The following TRDN variants were observed in gnomAD, a reference collection of about 807,000 sequenced individuals.
TRDN encodes triadin.
A neutral mutation model predicts 149.7 loss-of-function variants in TRDN; 161 were observed. The observed-to-expected ratio is 1.08, with a 90% CI of 0.95 to 1.23. The LOEUF is 1.23. TRDN is among the 50% of genes most tolerant of loss of function. TRDN has a pLI of 0.00. For missense variants in TRDN, 896 were observed against 823.5 expected, an observed-to-expected ratio of 1.09 and a Z score of -1.08; for synonymous variants, 294 against 250.5, an observed-to-expected ratio of 1.17 and a Z score of -1.64.
At chr6:123,617,821 C>T (rs1785178895) in intron 1 of TRDN, among the ~76,000 whole-genome samples, 1 of 152,124 alleles carries the variant, frequency 6.6e-6, no homozygotes, top group Non-Finnish European at 1.5e-5. Flanking sequence ...TCACTGCAAC[C>T]TCTGTCTCCC....
At chr6:123,460,140 A>G (rs1776366134) in intron 10 of TRDN, among the ~76,000 whole-genome samples, 1 of 152,256 alleles carries the variant, frequency 6.6e-6, no homozygotes, top group Non-Finnish European at 1.5e-5. Context: ...TTGCTTAAGC[A>G]GTACCACACA....
intron 4 of TRDN, among the ~76,000 whole-genome samples, chr6:123,544,777 C>T (rs920880835): frequency 7.2e-5 from 11 of 151,828 alleles, no homozygotes; most frequent in African/African-American, 2.4e-4. Flanking sequence ...GAAAAATATG[C>T]ATGAAGAATA....
intron 5 of TRDN, among the ~76,000 whole-genome samples, chr6:123,522,045 T>A (rs921692590): frequency 4.6e-5 from 7 of 152,154 alleles, no homozygotes; most frequent in Non-Finnish European, 1.0e-4. Flanking sequence ...ATTTACACTA[T>A]CTGCCTGCCA....
intron 38 of TRDN, among the ~76,000 whole-genome samples, chr6:123,249,325 G>C (rs1423654151): frequency 6.6e-6 from 1 of 152,098 alleles, no homozygotes; most frequent in Non-Finnish European, 1.5e-5. Flanking sequence ...CTTATACACT[G>C]TTGGTTGGAA....
rs1354285228 is a variant in TRDN, at chr6:123,217,614, T to A, written c.*987A>T. The A allele has an allele frequency of 6.6e-6, 1 of 151,992 alleles. No homozygotes were observed. The highest frequency in any genetic ancestry group is 1.5e-5 in the Non-Finnish European group (1 of 67,940). The allele number at this position is 151,992 out of a possible 1,614,324, so 9.4% of individuals were successfully genotyped here. A position where few individuals can be genotyped will look rare whatever the true frequency, so the allele number is the denominator to read the frequency against. ...GATGACCAGTTACCTAAAATACAAG[T>A]AAGACATCTCACGAAGGCATTTAAG... On this transcript the variant is annotated 3_prime_UTR_variant, in exon 41 of 41. Transcript: ENST00000334268.
Position 123,364,077 on chromosome 6 carries a change from G to T in TRDN, c.1321+2058C>A, listed in dbSNP as rs117852498. 3.2e-3 allele frequency among the ~76,000 whole-genome samples: 493 copies of T among 152,296 alleles called. 1 individual carries two copies. The highest frequency in any genetic ancestry group is 5.4e-3 in the Non-Finnish European group (370 of 68,032). On this transcript the variant is annotated intron_variant, in intron 20 of 40. Coordinates refer to ENST00000334268, the MANE Select transcript of TRDN (RefSeq NM_006073.4). ...TTCTGTATGTCATGTTCCTTGTTCT[G>T]TCCATAAATCCTTCCACCACGAGGC...
chr6:123,279,558 T>C (rs1000275175), intron 24 of TRDN, among the ~76,000 whole-genome samples: 4 of 151,956 alleles, frequency 2.6e-5, no homozygotes, highest in African/African-American at 7.2e-5. Context: ...TGCCATCTAG[T>C]ACCTGTCTGT....
intron 9 of TRDN, among the ~76,000 whole-genome samples, chr6:123,477,593 A>C (rs575268365): frequency 6.6e-6 from 1 of 151,088 alleles, no homozygotes; most frequent in Non-Finnish European, 1.5e-5. Context: ...TCATGCTGCT[A>C]TAAAGACACA....
intron 4 of TRDN, among the ~76,000 whole-genome samples, chr6:123,535,655 A>G (rs1780491943): frequency 6.6e-6 from 1 of 152,148 alleles, no homozygotes; most frequent in African/African-American, 2.4e-5. Context: ...TATCTTCCTC[A>G]CACAGACTGT....
intron 10 of TRDN, among the ~76,000 whole-genome samples, chr6:123,451,775 T>C (rs6911305): frequency 0.15 from 22,966 of 151,846 alleles, 2,253 homozygotes; most frequent in African/African-American, 0.28. Flanking sequence ...AATACCAAAA[T>C]CAGGAAAGGA....
intron 12 of TRDN, among the ~76,000 whole-genome samples, chr6:123,420,283 G>T (rs1773840601): frequency 6.6e-6 from 1 of 152,098 alleles, no homozygotes. Flanking sequence ...AGAAATGACT[G>T]TCCTCTGACA....
intron 4 of TRDN, among the ~76,000 whole-genome samples, chr6:123,545,751 A>G (rs1781080889): frequency 6.6e-6 from 1 of 152,164 alleles, no homozygotes; most frequent in East Asian, 1.9e-4. Context: ...CAACTATTTA[A>G]TAGTTTTTCT....
At chr6:123,361,037 A>G (rs1471254746) in intron 20 of TRDN, among the ~76,000 whole-genome samples, 1 of 152,170 alleles carries the variant, frequency 6.6e-6, no homozygotes, top group Non-Finnish European at 1.5e-5. Context: ...GCCGCAATAA[A>G]CATACGTGTG....
intron 10 of TRDN, among the ~76,000 whole-genome samples, chr6:123,459,348 G>A (rs1019103811): frequency 4.6e-5 from 7 of 152,230 alleles, no homozygotes; most frequent in East Asian, 1.9e-4. Context: ...GAGAGATCTG[G>A]GCATCTATTC....
At position 123,393,686 on chromosome 6, in the gene TRDN, G is replaced by T. The variant is rs765883002; in HGVS notation, c.1052-9C>A. 1.9e-6 allele frequency: 3 copies of T among 1,597,180 alleles called. No individual in the cohort carries two copies. Among genetic ancestry groups the T allele is most frequent in the Non-Finnish European group, 2.6e-6 (3 of 1,170,768 alleles). ...AGAAGCTTTTCCCGGCTCTTGGAAT[G>T]AAAAAAACATAAATTACCATGAAGT... is the stretch of plus-strand genomic sequence containing the variant. On this transcript the variant is annotated splice_polypyrimidine_tract_variant and intron_variant, in intron 12 of 40. Coordinates refer to ENST00000334268, the MANE Select transcript of TRDN (RefSeq NM_006073.4).
Position 123,528,983 on chromosome 6 carries a change from CA to C in TRDN, c.484+1522del, listed in dbSNP as rs1344063323. On this transcript the variant is annotated intron_variant, in intron 5 of 40. Coordinates refer to ENST00000334268, the MANE Select transcript of TRDN (RefSeq NM_006073.4). ...TGAGAAATTTATTTTAGACTTCAGC[CA>C]AATTCACTGTCTTAATTATGGAAGA... The C allele has an allele frequency of 1.1e-5, 14 of 1,262,656 alleles. No homozygotes were observed. The African/African-American group carries it at 2.1e-4, about 19-fold the overall frequency. The allele number at this position is 1,262,656 out of a possible 1,614,324, so 78.2% of individuals were successfully genotyped here. A position where few individuals can be genotyped will look rare whatever the true frequency, so the allele number is the denominator to read the frequency against.
At chr6:123,364,375 A>G (rs1233342279) in intron 20 of TRDN, among the ~76,000 whole-genome samples, 1 of 152,178 alleles carries the variant, frequency 6.6e-6, no homozygotes, top group Non-Finnish European at 1.5e-5. Context: ...GTGGTGGCTC[A>G]CGCCTGTAAT....
intron 12 of TRDN, among the ~76,000 whole-genome samples, chr6:123,401,578 A>G (rs746492172): frequency 1.3e-5 from 2 of 152,220 alleles, no homozygotes; most frequent in African/African-American, 2.4e-5. Context: ...GCTGTGTGAA[A>G]AAATGCTAAA....
chr6:123,334,603 T>C (rs1779793949), intron 22 of TRDN, among the ~76,000 whole-genome samples: 1 of 152,074 alleles, frequency 6.6e-6, no homozygotes, highest in Non-Finnish European at 1.5e-5. Context: ...CAGGACTATG[T>C]CCCTGTGGGT....
Sources: allele counts gnomAD v4.1 joint callset (sites outside exome capture counted in the v4.1 genomes callset), GRCh38; gene constraint gnomAD v4.1.1; transcripts MANE v1.5; gene names NCBI Gene and HGNC (gene_info 2026-07-23, HGNC 2026-07-21).